NCOA1: variants seen among roughly 807,000 people sequenced by gnomAD.
NCOA1 encodes Hin-2 protein.
In NCOA1, 35 loss-of-function variants were observed where a neutral mutation model predicts 150.9. The observed-to-expected ratio is 0.23, with a 90% CI of 0.18 to 0.31. The LOEUF is 0.31. Ranked by LOEUF, NCOA1 falls within the 10% of genes least tolerant of loss-of-function variation. NCOA1 has a pLI of 1.00. For missense variants in NCOA1, 1,491 were observed against 1,749.3 expected, an observed-to-expected ratio of 0.85 and a Z score of 2.63; for synonymous variants, 590 against 630.0, an observed-to-expected ratio of 0.94 and a Z score of 0.95.
chr2:24,549,745 T>C (rs1438536754), intron 1 of NCOA1, among the ~76,000 whole-genome samples: 1 of 152,196 alleles, frequency 6.6e-6, no homozygotes, highest in African/African-American at 2.4e-5. Flanking sequence ...TTTGTTTTTG[T>C]ATTTTTAGTA....
At chr2:24,706,181 A>G (rs185456782) in intron 12 of NCOA1, among the ~76,000 whole-genome samples, 20 of 152,220 alleles carry the variant, frequency 1.3e-4, no homozygotes, top group African/African-American at 4.6e-4. Context: ...TGAGAAGTTT[A>G]TTTTTCAACC....
rs757141724 is a variant in NCOA1, at chr2:24,707,736, G to A, written c.2266G>A (p.Asp756Asn). 2 of 1,614,060 alleles carry A rather than the reference G, an allele frequency of 1.2e-6. No homozygotes were observed. Among genetic ancestry groups the A allele is most frequent in the African/African-American group, 2.7e-5 (2 of 74,936 alleles). Residue 756 changes from aspartate (D) to asparagine (N), a missense_variant, in exon 13 of 23, where the codon GAT becomes AAT. Coordinates refer to ENST00000348332, the MANE Select transcript of NCOA1 (RefSeq NM_003743.5). ...GCTCCTACGCTATCTTTTAGATAAA[G>A]ATGAGAAAGATTTAAGATCAACTCC... ...HQLLRYLLDK[D>N]EKDLRSTPNL...
chr2:24,762,857 C>G (rs1356606586), intron 22 of NCOA1, 81 bp downstream of exon 22: 2 of 1,289,486 alleles, frequency 1.6e-6, no homozygotes, highest in East Asian at 2.3e-5. Context: ...CATTAAGAGC[C>G]TGACCTTGGG....
Position 24,596,882 on chromosome 2 carries a change from C to T in NCOA1, c.-175+12322C>T, listed in dbSNP as rs535487302. Among the ~76,000 whole-genome samples, 3 of 152,248 alleles carry T rather than the reference C, an allele frequency of 2.0e-5. No individual in the cohort carries two copies. In the South Asian group the frequency reaches 6.2e-4, roughly 32 times the overall value. On this transcript the variant is annotated intron_variant, in intron 3 of 22. Coordinates refer to ENST00000348332, the MANE Select transcript of NCOA1 (RefSeq NM_003743.5). ...AACTGTGAGGTTTTGTGTGTCTTTCCAATCCCTGTTAATCCATTTGGCTTT... is the reference window on the plus strand; with the variant it reads ...AACTGTGAGGTTTTGTGTGTCTTTCTAATCCCTGTTAATCCATTTGGCTTT...
chr2:24,691,720 G>A, intron 9 of NCOA1, 60 bp downstream of exon 9: 1 of 1,539,862 alleles, frequency 6.5e-7, no homozygotes, highest in South Asian at 1.2e-5. Flanking sequence ...GGAAAAGAGA[G>A]GAAATTAATT....
intron 20 of NCOA1, among the ~76,000 whole-genome samples, chr2:24,752,878 CT>C (rs754116057): frequency 0.011 from 1,529 of 143,396 alleles, 13 homozygotes; most frequent in Admixed American, 0.017. Flanking sequence ...TCACTAAAGC[CT>C]TTTTTTTTTT....
chr2:24,736,594 T>C (rs1028033557), intron 17 of NCOA1, among the ~76,000 whole-genome samples: 1 of 152,186 alleles, frequency 6.6e-6, no homozygotes, highest in African/African-American at 2.4e-5. Context: ...TTTCTGGCAA[T>C]GAAAAATGCC....
intron 1 of NCOA1, among the ~76,000 whole-genome samples, chr2:24,520,284 T>C (rs1664365876): frequency 6.6e-6 from 1 of 152,244 alleles, no homozygotes; most frequent in Admixed American, 6.5e-5. Context: ...TATGTCCATA[T>C]ACATTTTGAA....
intron 1 of NCOA1, among the ~76,000 whole-genome samples, chr2:24,538,234 A>G (rs1422699360): frequency 1.3e-5 from 2 of 152,182 alleles, no homozygotes; most frequent in East Asian, 1.9e-4. Context: ...TGGTTTGGGC[A>G]CTAGTAGCTG....
intron 19 of NCOA1, among the ~76,000 whole-genome samples, chr2:24,744,736 C>A (rs1663804996): frequency 1.3e-5 from 2 of 152,168 alleles, no homozygotes; most frequent in African/African-American, 4.8e-5. Context: ...AAATTAAGGT[C>A]CATAATCCAG....
chr2:24,612,340 C>A (rs747425168), intron 3 of NCOA1, among the ~76,000 whole-genome samples: 1 of 152,108 alleles, frequency 6.6e-6, no homozygotes, highest in African/African-American at 2.4e-5. Flanking sequence ...TAGCTTTGAC[C>A]TTGAATCGTT....
At chr2:24,597,252 A>T (rs1348195307) in intron 3 of NCOA1, among the ~76,000 whole-genome samples, 1 of 152,188 alleles carries the variant, frequency 6.6e-6, no homozygotes, top group Non-Finnish European at 1.5e-5. Flanking sequence ...ATTACCTCTT[A>T]TCTCAACTAA....
At chr2:24,731,909 G>A (rs893771) in intron 17 of NCOA1, among the ~76,000 whole-genome samples, 22,392 of 152,182 alleles carry the variant, frequency 0.15, 2,059 homozygotes, top group Non-Finnish European at 0.21. Flanking sequence ...TACAAGACCT[G>A]AAAACCATTT....
At chr2:24,719,262 G>A (rs867707795) in intron 14 of NCOA1, among the ~76,000 whole-genome samples, 1 of 152,170 alleles carries the variant, frequency 6.6e-6, no homozygotes, top group Admixed American at 6.5e-5. Context: ...AGTAATAGAA[G>A]TCTGATCATT....
intron 1 of NCOA1, among the ~76,000 whole-genome samples, chr2:24,503,191 T>C (rs1350351920): frequency 2.0e-5 from 3 of 152,210 alleles, no homozygotes; most frequent in African/African-American, 7.2e-5. Flanking sequence ...TTGACTAGTT[T>C]CAGGGTATTT....
At chr2:24,562,055 A>G (rs1004802427) in intron 1 of NCOA1, among the ~76,000 whole-genome samples, 1 of 152,194 alleles carries the variant, frequency 6.6e-6, no homozygotes, top group Non-Finnish European at 1.5e-5. Flanking sequence ...AGAAAAATGA[A>G]AATCAGAGCA....
intron 17 of NCOA1, among the ~76,000 whole-genome samples, chr2:24,731,832 G>A (rs1023077446): frequency 1.3e-5 from 2 of 152,072 alleles, no homozygotes; most frequent in Non-Finnish European, 2.9e-5. Flanking sequence ...ATATTTAAGG[G>A]GACTACACTA....
chr2:24,601,940 C>T (rs138317972), intron 3 of NCOA1, among the ~76,000 whole-genome samples: 350 of 152,142 alleles, frequency 2.3e-3, no homozygotes, highest in Admixed American at 6.0e-3. Flanking sequence ...CCAGCCACTT[C>T]GTCCTTTCTT....
chr2:24,689,698 A>AT (rs967477160), intron 8 of NCOA1, among the ~76,000 whole-genome samples: 4 of 152,120 alleles, frequency 2.6e-5, no homozygotes, highest in Non-Finnish European at 5.9e-5. Context: ...GCACAAATCC[A>AT]TTTTTTTATC....
Sources: gnomAD v4.1 joint callset for allele counts (sites outside exome capture counted in the v4.1 genomes callset) on GRCh38, gnomAD v4.1.1 for gene constraint, MANE v1.5 for transcripts, NCBI Gene and HGNC (gene_info 2026-07-23, HGNC 2026-07-21) for gene names.